NKAIN3: variants seen among roughly 807,000 people sequenced by gnomAD.
NKAIN3 encodes the protein sodium/potassium-transporting ATPase subunit beta-1-interacting protein 3.
Under a neutral mutation model 30.2 loss-of-function variants are expected in NKAIN3, and 25 were observed. That is an observed-to-expected ratio of 0.83 (90% CI 0.60 to 1.16). The LOEUF (loss-of-function observed/expected upper bound fraction) is 1.16. Ranked by LOEUF, NKAIN3 falls within the 50% of genes most tolerant of loss-of-function variation. NKAIN3 has a pLI of 0.00. For synonymous variants in NKAIN3, 91 were observed against 89.6 expected, an observed-to-expected ratio of 1.02 and a Z score of -0.09; for missense variants, 225 against 254.1, an observed-to-expected ratio of 0.89 and a Z score of 0.78.
rs1810621009 is a variant in NKAIN3, at chr8:62,590,570, TA to T, written c.273+780del. 8.6e-5 allele frequency among the ~76,000 whole-genome samples: 13 copies of T among 152,026 alleles called. No homozygotes were observed. In the South Asian group the frequency reaches 2.7e-3, roughly 32 times the overall value. On this transcript the variant is annotated intron_variant, in intron 3 of 6. Transcript: ENST00000623646. ...AAAGTATAAGAAAGCTGTCATATTT[TA>T]AAACTTCTCATTATCAAATATATTT...
chr8:62,565,972 C>T (rs1329155481), intron 1 of NKAIN3, among the ~76,000 whole-genome samples: 9 of 152,080 alleles, frequency 5.9e-5, no homozygotes, highest in Admixed American at 5.9e-4. Context: ...ACTCAAAGTA[C>T]ACTTTCTATG....
intron 1 of NKAIN3, among the ~76,000 whole-genome samples, chr8:62,572,149 C>T (rs28805010): frequency 0.035 from 5,294 of 152,266 alleles, 247 homozygotes; most frequent in African/African-American, 0.12. Context: ...TTTAACAGCA[C>T]CCAAGTCACC....
intron 2 of NKAIN3, among the ~76,000 whole-genome samples, chr8:62,587,184 T>C (rs915106428): frequency 5.3e-5 from 8 of 151,970 alleles, no homozygotes; most frequent in African/African-American, 1.9e-4. Context: ...TTTTCTTTTA[T>C]ACTCATGATC....
chr8:62,668,507 CAG>C (rs1813201472), intron 3 of NKAIN3, among the ~76,000 whole-genome samples: 1 of 152,132 alleles, frequency 6.6e-6, no homozygotes, highest in South Asian at 2.1e-4. Flanking sequence ...ACTTTCTGCC[CAG>C]AGTTCTTTCC....
Position 62,633,213 on chromosome 8 carries a change from A to G in NKAIN3, c.273+43419A>G, listed in dbSNP as rs970484234. 5.9e-5 allele frequency among the ~76,000 whole-genome samples: 9 copies of G among 152,300 alleles called. No individual in the cohort carries two copies. In the South Asian group the frequency reaches 1.7e-3, roughly 28 times the overall value. The stretch of plus-strand genomic sequence containing the variant: ...TTAATTCGCACCTCGCAGGACTGTT[A>G]TGAACATTATCATTTTAGAATATTT... On this transcript the variant is annotated intron_variant, in intron 3 of 6. Coordinates refer to ENST00000623646, the MANE Select transcript of NKAIN3 (RefSeq NM_001304533.3).
At chr8:62,768,357 A>G (rs1392752238) in intron 4 of NKAIN3, among the ~76,000 whole-genome samples, 1 of 152,172 alleles carries the variant, frequency 6.6e-6, no homozygotes, top group Non-Finnish European at 1.5e-5. Flanking sequence ...TGCTGACAGG[A>G]TACGCTATTT....
intron 1 of NKAIN3, among the ~76,000 whole-genome samples, chr8:62,510,403 C>T (rs1030954980): frequency 3.3e-5 from 5 of 152,120 alleles, no homozygotes; most frequent in Admixed American, 2.6e-4. Context: ...CTAGCCTTCT[C>T]CTCTTCTTCC....
At chr8:62,506,140 C>T (rs957309926) in intron 1 of NKAIN3, among the ~76,000 whole-genome samples, 7 of 88,194 alleles carry the variant, frequency 7.9e-5, no homozygotes, top group Non-Finnish European at 1.3e-4. Flanking sequence ...GATAACCTCC[C>T]CATAACAAGA....
intron 4 of NKAIN3, among the ~76,000 whole-genome samples, chr8:62,834,215 C>G (rs186451676): frequency 5.9e-5 from 9 of 152,094 alleles, no homozygotes; most frequent in Admixed American, 5.9e-4. Flanking sequence ...CCACAGCCAA[C>G]ATCATACTGA....
intron 1 of NKAIN3, among the ~76,000 whole-genome samples, chr8:62,498,620 G>C (rs1807316372): frequency 2.0e-5 from 3 of 151,940 alleles, no homozygotes; most frequent in African/African-American, 7.3e-5. Flanking sequence ...GCCTTTTTAG[G>C]GAAGACCTGA....
At chr8:62,861,069 TC>T (rs1269990417) in intron 4 of NKAIN3, among the ~76,000 whole-genome samples, 10 of 152,204 alleles carry the variant, frequency 6.6e-5, no homozygotes, top group African/African-American at 1.9e-4. Context: ...GAATTCCCAG[TC>T]CTCTTCTGGG....
At chr8:62,335,228 C>T (rs988811090) in intron 1 of NKAIN3, among the ~76,000 whole-genome samples, 1 of 151,818 alleles carries the variant, frequency 6.6e-6, no homozygotes, top group Non-Finnish European at 1.5e-5. Context: ...TGAGGTCAGA[C>T]CAGCCTGGCC....
intron 3 of NKAIN3, among the ~76,000 whole-genome samples, chr8:62,620,074 A>G (rs1288350743): frequency 2.0e-5 from 3 of 152,160 alleles, no homozygotes; most frequent in Non-Finnish European, 4.4e-5. Context: ...GACCCAAAGA[A>G]ACAGTTAAAC....
chr8:62,551,626 G>A (rs918984994), intron 1 of NKAIN3, among the ~76,000 whole-genome samples: 1 of 152,202 alleles, frequency 6.6e-6, no homozygotes, highest in Non-Finnish European at 1.5e-5. Context: ...TGTTTGAACA[G>A]TTGTTTTGAG....
rs908196103 is a variant in NKAIN3 at position 62,864,313 on chromosome 8, G to C, written c.472-54140G>C. ...GGACCAGGAAGAGAAAGAAGACCCT[G>C]AGAAAGAAAACATTGAGAAAGAAGA... On this transcript the variant is annotated intron_variant, in intron 4 of 6. Transcript: ENST00000623646. 87 of 1,466,774 alleles carry C rather than the reference G, an allele frequency of 5.9e-5. 1 individual carries two copies. Among genetic ancestry groups the C allele is most frequent in the Non-Finnish European group, 8.1e-5 (87 of 1,069,136 alleles). 90.9% of individuals were successfully genotyped at this position (1,466,774 alleles called of 1,614,324 possible). A position where few individuals can be genotyped will look rare whatever the true frequency, so the allele number is the denominator to read the frequency against.
chr8:62,580,908 A>T (rs1282188935), intron 2 of NKAIN3, among the ~76,000 whole-genome samples: 2 of 142,280 alleles, frequency 1.4e-5, no homozygotes, highest in East Asian at 4.0e-4. Context: ...TAGGGTTTTT[A>T]TATATATATA....
chr8:62,738,720 A>G (rs1239435731), intron 3 of NKAIN3, among the ~76,000 whole-genome samples: 2 of 151,932 alleles, frequency 1.3e-5, no homozygotes, highest in Admixed American at 1.3e-4. Flanking sequence ...TAGATAATGG[A>G]TATTTGCCCT....
intron 3 of NKAIN3, among the ~76,000 whole-genome samples, chr8:62,665,637 G>T (rs1403860821): frequency 2.0e-5 from 3 of 152,176 alleles, no homozygotes; most frequent in Non-Finnish European, 2.9e-5. Flanking sequence ...GTTTAAAGGG[G>T]TGTATTTATG....
At chr8:62,579,772 A>G in intron 2 of NKAIN3, 96 bp downstream of exon 2, 1 of 640,378 alleles carries the variant, frequency 1.6e-6, no homozygotes, top group Non-Finnish European at 2.3e-6. Flanking sequence ...TTCTGATATA[A>G]TGTGGCATTG....
Sources: allele counts gnomAD v4.1 joint callset (sites outside exome capture counted in the v4.1 genomes callset), GRCh38; gene constraint gnomAD v4.1.1; transcripts MANE v1.5; gene names NCBI Gene and HGNC (gene_info 2026-07-23, HGNC 2026-07-21).